GPC5: variants seen among roughly 807,000 people sequenced by gnomAD.
The protein encoded by GPC5 is glypican 5.
A neutral mutation model predicts 53.9 loss-of-function variants in GPC5; 47 were observed. That is an observed-to-expected ratio of 0.87 (90% confidence interval 0.69 to 1.11). GPC5 has a LOEUF of 1.11. GPC5 is among the 50% of genes most tolerant of loss of function. The probability of loss-of-function intolerance (pLI) is 0.00; values close to 1 mark genes in which losing one functional copy is unlikely to be tolerated. For synonymous variants in GPC5, 286 were observed against 263.3 expected (o/e 1.09, Z -0.84); for missense variants, 748 against 713.1 (o/e 1.05, Z -0.56).
chr13:92,427,562 G>T (rs1594193398), intron 7 of GPC5, among the ~76,000 whole-genome samples: 1 of 151,878 alleles, frequency 6.6e-6, no homozygotes, highest in East Asian at 1.9e-4. Flanking sequence ...AGTAATTGTA[G>T]AAAAATGTCT....
At chr13:91,513,719 C>A (rs1466076174) in intron 2 of GPC5, among the ~76,000 whole-genome samples, 1 of 152,024 alleles carries the variant, frequency 6.6e-6, no homozygotes, top group Non-Finnish European at 1.5e-5. Flanking sequence ...CCAGCCTGGG[C>A]AACAGAGCGA....
At chr13:91,981,472 G>C (rs542721142) in intron 6 of GPC5, among the ~76,000 whole-genome samples, 7 of 152,214 alleles carry the variant, frequency 4.6e-5, no homozygotes, top group Admixed American at 3.9e-4. Context: ...TGTATTTTTA[G>C]TACAGACTGG....
intron 2 of GPC5, among the ~76,000 whole-genome samples, chr13:91,569,445 A>G (rs1313949333): frequency 2.0e-5 from 3 of 152,068 alleles, no homozygotes; most frequent in Non-Finnish European, 4.4e-5. Context: ...ACTCTACATC[A>G]GTTTCTGTAC....
At chr13:91,609,409 A>G (rs888555041) in intron 2 of GPC5, among the ~76,000 whole-genome samples, 1 of 152,196 alleles carries the variant, frequency 6.6e-6, no homozygotes, top group African/African-American at 2.4e-5. Context: ...TCATTTGGCA[A>G]CGTACTGATT....
At chr13:91,512,646 G>T (rs1464713995) in intron 2 of GPC5, among the ~76,000 whole-genome samples, 1 of 152,138 alleles carries the variant, frequency 6.6e-6, no homozygotes, top group East Asian at 1.9e-4. Context: ...TCTCTTGGCT[G>T]GGGCTCCTCA....
chr13:91,868,233 T>C (rs535794451), intron 5 of GPC5, among the ~76,000 whole-genome samples: 96 of 152,264 alleles, frequency 6.3e-4, no homozygotes, highest in African/African-American at 2.3e-3. Flanking sequence ...TAGTGAAGAA[T>C]TTAGGAACTG....
intron 3 of GPC5, among the ~76,000 whole-genome samples, chr13:91,706,002 TC>T (rs1396478880): frequency 6.6e-6 from 1 of 151,688 alleles, no homozygotes; most frequent in Non-Finnish European, 1.5e-5. Context: ...TGCCTCAACT[TC>T]CCTGGTAGCT....
At chr13:91,732,288 T>C (rs558333415) in intron 4 of GPC5, among the ~76,000 whole-genome samples, 2 of 152,344 alleles carry the variant, frequency 1.3e-5, no homozygotes, top group South Asian at 2.1e-4. Context: ...TGATCAGTGA[T>C]GTTGAGGTTT....
At chr13:91,952,255 A>T (rs776433636) in intron 6 of GPC5, among the ~76,000 whole-genome samples, 3 of 152,006 alleles carry the variant, frequency 2.0e-5, no homozygotes, top group Non-Finnish European at 4.4e-5. Context: ...TGGTTACTTT[A>T]GATAGATTTC....
At chr13:91,908,179 C>T (rs1409680106) in intron 6 of GPC5, 122 bp downstream of exon 6, 2 of 722,926 alleles carry the variant, frequency 2.8e-6, no homozygotes, top group Non-Finnish European at 4.2e-6. Flanking sequence ...TTGTAACACA[C>T]TTTTTGTATC....
intron 6 of GPC5, among the ~76,000 whole-genome samples, chr13:92,100,815 C>A (rs1004441695): frequency 6.6e-6 from 1 of 152,118 alleles, no homozygotes; most frequent in Non-Finnish European, 1.5e-5. Context: ...AGTTAATTCT[C>A]CAAAAACATA....
At chr13:91,548,155 T>G (rs1451102997) in intron 2 of GPC5, among the ~76,000 whole-genome samples, 5 of 152,104 alleles carry the variant, frequency 3.3e-5, no homozygotes, top group Admixed American at 2.6e-4. Flanking sequence ...GACATATAGC[T>G]TGGGAAGAAA....
intron 5 of GPC5, among the ~76,000 whole-genome samples, chr13:91,790,514 C>T (rs2037947402): frequency 6.6e-6 from 1 of 152,158 alleles, no homozygotes; most frequent in Non-Finnish European, 1.5e-5. Flanking sequence ...TGAACAAAAA[C>T]AACAATGCTC....
intron 6 of GPC5, among the ~76,000 whole-genome samples, chr13:92,069,454 T>G (rs2041193548): frequency 6.6e-6 from 1 of 150,936 alleles, no homozygotes; most frequent in African/African-American, 2.4e-5. Context: ...GTGTATTCCT[T>G]GGGATTTTCT....
chr13:91,442,768 G>A (rs1249176769), intron 1 of GPC5, among the ~76,000 whole-genome samples: 7 of 152,196 alleles, frequency 4.6e-5, no homozygotes, highest in African/African-American at 9.6e-5. Context: ...GGCACTTAAG[G>A]TCTGGTTGTC....
rs74995934 is a variant in GPC5 at position 91,503,780 on chromosome 13, A to AAATAATAATAATAAT, written c.325+54883_325+54897dup. On this transcript the variant is annotated intron_variant, in intron 2 of 7. Transcript: ENST00000377067. ...GGGGACAGAGTGAGACTCTGTCTCA[A>AAATAATAATAATAAT]AATAATAATAATAATAATAATAATA... is the stretch of plus-strand genomic sequence containing the variant. Among the ~76,000 whole-genome samples the AAATAATAATAATAAT allele has an allele frequency of 5.2e-3, 692 of 132,864 alleles. 6 individuals carry two copies. Among genetic ancestry groups the AAATAATAATAATAAT allele is most frequent in the African/African-American group, 0.014 (480 of 34,908 alleles). 87.2% of individuals were successfully genotyped at this position (132,864 alleles called of 152,430 possible).
In GPC5 at chr13:92,859,549, T is replaced by A. The variant is rs1475912882; in HGVS notation, c.1562-6733T>A. On this transcript the variant is annotated intron_variant, in intron 7 of 7. Transcript: ENST00000377067. Reference sequence around the variant, plus strand: ...TAACTCATAGTATTTTTCAGCCTTATACTTTTTAAAAATAATTTTCTGAAT... The same window carrying A: ...TAACTCATAGTATTTTTCAGCCTTAAACTTTTTAAAAATAATTTTCTGAAT... Among the ~76,000 whole-genome samples, 5 of 152,230 alleles carry A rather than the reference T, an allele frequency of 3.3e-5. No individual in the cohort carries two copies. In the East Asian group the frequency reaches 7.7e-4, roughly 23 times the overall value.
intron 7 of GPC5, among the ~76,000 whole-genome samples, chr13:92,463,893 A>G (rs893840571): frequency 5.9e-5 from 9 of 152,104 alleles, no homozygotes; most frequent in Non-Finnish European, 1.0e-4. Context: ...TGGAGTTAAG[A>G]GTTTCTCAGA....
Position 92,699,883 on chromosome 13 carries a change from G to A in GPC5, c.1562-166399G>A, listed in dbSNP as rs1191093447. On this transcript the variant is annotated intron_variant, in intron 7 of 7. Transcript: ENST00000377067. ...AACTTTAGAATAAGTGCAGTGTGGT[G>A]CTGAGAAGAATGTATATTCTGTTGA... Among the ~76,000 whole-genome samples the A allele has an allele frequency of 3.9e-5, 6 of 152,302 alleles. No homozygotes were observed. The East Asian group carries it at 1.2e-3, about 29-fold the overall frequency.
Sources: allele counts gnomAD v4.1 joint callset (sites outside exome capture counted in the v4.1 genomes callset), GRCh38; gene constraint gnomAD v4.1.1; transcripts MANE v1.5; gene names NCBI Gene and HGNC (gene_info 2026-07-23, HGNC 2026-07-21).